SEC14L1: variants seen among roughly 807,000 people sequenced by gnomAD.
SEC14L1 encodes SEC14-like protein 1.
In SEC14L1, 48 loss-of-function variants were observed where a neutral mutation model predicts 85.3. The observed-to-expected ratio is 0.56, with a 90% CI of 0.45 to 0.72. SEC14L1 has a LOEUF of 0.72. Ranked by LOEUF, SEC14L1 falls within the 30% of genes least tolerant of loss-of-function variation. The pLI, the probability that SEC14L1 is intolerant of heterozygous loss-of-function variation, is 0.00. For synonymous variants in SEC14L1, 391 were observed against 355.5 expected (o/e 1.10, Z -1.12); for missense variants, 682 against 921.4 (o/e 0.74, Z 3.36).
chr17:77,211,771 A>C (rs78493457), intron 14 of SEC14L1, 179 bp from the exon 15 acceptor site: 144,882 of 748,650 alleles, frequency 0.19, 15,090 homozygotes, highest in Middle Eastern at 0.25. Flanking sequence ...AGCAGGATCC[A>C]GCGGTTGAAT....
At chr17:77,097,936 G>A (rs1971685200) in intron 3 of SEC14L1, among the ~76,000 whole-genome samples, 1 of 152,086 alleles carries the variant, frequency 6.6e-6, no homozygotes, top group South Asian at 2.1e-4. Flanking sequence ...TTAGATGGGT[G>A]GCCTTTAACC....
chr17:77,111,923 G>A (rs1018895119), intron 3 of SEC14L1, among the ~76,000 whole-genome samples: 1 of 152,146 alleles, frequency 6.6e-6, no homozygotes, highest in African/African-American at 2.4e-5. Flanking sequence ...ATGAGATTTG[G>A]GAGGGGCCAG....
intron 3 of SEC14L1, among the ~76,000 whole-genome samples, chr17:77,096,420 T>TA (rs1971645831): frequency 6.6e-6 from 1 of 150,540 alleles, no homozygotes; most frequent in African/African-American, 2.4e-5. Flanking sequence ...AGCCAGGCGT[T>TA]ATGTTGCGTA....
At chr17:77,175,238 C>T (rs1356310726) in intron 3 of SEC14L1, among the ~76,000 whole-genome samples, 3 of 152,112 alleles carry the variant, frequency 2.0e-5, no homozygotes, top group African/African-American at 4.8e-5. Context: ...TTCAGGAGGA[C>T]GAGAGAGAGA....
At chr17:77,204,109 T>C (rs1976330404) in intron 10 of SEC14L1, among the ~76,000 whole-genome samples, 1 of 152,186 alleles carries the variant, frequency 6.6e-6, no homozygotes, top group Admixed American at 6.5e-5. Context: ...TTGGCAGCTG[T>C]GCTTCCCCCT....
At chr17:77,192,410 C>G (rs916948204) in intron 5 of SEC14L1, among the ~76,000 whole-genome samples, 5 of 152,130 alleles carry the variant, frequency 3.3e-5, no homozygotes, top group African/African-American at 4.8e-5. Context: ...TTCCACAGTT[C>G]GCCCAGAGGA....
intron 3 of SEC14L1, among the ~76,000 whole-genome samples, chr17:77,161,528 A>G (rs937964339): frequency 1.3e-5 from 2 of 152,108 alleles, no homozygotes; most frequent in Admixed American, 6.5e-5. Context: ...AATAAAAATA[A>G]CTGGTCAATA....
At chr17:77,104,428 T>A (rs1971857255) in intron 3 of SEC14L1, among the ~76,000 whole-genome samples, 1 of 68,262 alleles carries the variant, frequency 1.5e-5, no homozygotes, top group Admixed American at 1.8e-4. Context: ...GCCTTGTGTT[T>A]ACTTTTTTTT....
chr17:77,117,409 C>T (rs756039303), intron 3 of SEC14L1, among the ~76,000 whole-genome samples: 4 of 152,118 alleles, frequency 2.6e-5, no homozygotes, highest in Non-Finnish European at 4.4e-5. Context: ...ACAGAGGCAC[C>T]GTTGGGGTGC....
intron 3 of SEC14L1, among the ~76,000 whole-genome samples, chr17:77,101,568 A>G (rs1459527047): frequency 6.6e-6 from 1 of 152,222 alleles, no homozygotes; most frequent in Non-Finnish European, 1.5e-5. Flanking sequence ...GTCTAAGAAT[A>G]TAAGTGAATT....
chr17:77,173,984 T>C (rs991941027), intron 3 of SEC14L1, among the ~76,000 whole-genome samples: 1 of 152,064 alleles, frequency 6.6e-6, no homozygotes, highest in African/African-American at 2.4e-5. Context: ...CACTGCAGCC[T>C]CTGCCTCCTG....
At position 77,213,493 on chromosome 17, in the gene SEC14L1, G is replaced by A. The variant is rs1976876221; in HGVS notation, c.2042+1G>A. On this transcript the variant is annotated splice_donor_variant, in intron 16 of 16. Transcript: ENST00000436233. LOFTEE classifies it high-confidence loss of function. The surrounding 1 kb of genome is among the most constrained non-coding windows in gnomAD (Gnocchi z 7.1). ...AGGTGATCGGCTCGGAGGATTTCAGGTGCGGCCACCCTCGCCACAGCAGGT... is the reference window on the plus strand; with the variant it reads ...AGGTGATCGGCTCGGAGGATTTCAGATGCGGCCACCCTCGCCACAGCAGGT... 3.1e-6 allele frequency: 5 copies of A among 1,606,678 alleles called. No homozygotes were observed. Among genetic ancestry groups the A allele is most frequent in the Non-Finnish European group, 4.2e-6 (5 of 1,179,962 alleles).
chr17:77,209,547 C>T, intron 14 of SEC14L1, 71 bp downstream of exon 14: 3 of 1,536,482 alleles, frequency 2.0e-6, no homozygotes, highest in South Asian at 2.4e-5. Flanking sequence ...GCAGGGCTTC[C>T]TGGCAGCCTT....
chr17:77,200,409 T>C, intron 8 of SEC14L1, 75 bp from the exon 9 acceptor site: 1 of 1,180,846 alleles, frequency 8.5e-7, no homozygotes, highest in Non-Finnish European at 1.2e-6. Context: ...GCTCAAGCGA[T>C]CCGTCCACCG....
intron 3 of SEC14L1, among the ~76,000 whole-genome samples, chr17:77,186,324 GT>G (rs1975264851): frequency 6.6e-6 from 1 of 152,210 alleles, no homozygotes; most frequent in Non-Finnish European, 1.5e-5. Flanking sequence ...GCACTCCTGA[GT>G]TCTTTCCTGG....
chr17:77,092,720 G>A (rs1035136265), intron 2 of SEC14L1, among the ~76,000 whole-genome samples: 3 of 151,806 alleles, frequency 2.0e-5, no homozygotes, highest in Non-Finnish European at 4.4e-5. Flanking sequence ...AGGCTGAGGC[G>A]GGCGGATCAC....
Position 77,206,185 on chromosome 17 carries a change from G to A in SEC14L1, c.1170-44G>A. On this transcript the variant is annotated intron_variant, in intron 11 of 16. Transcript: ENST00000436233. The surrounding 1 kb of genome is among the most constrained non-coding windows in gnomAD (Gnocchi z 4.3). ...AAGAAAATAAGACACAGTTTGCTAA[G>A]TGTGCTGTCTGTTGAATGAAACACA... 1.3e-6 allele frequency: 2 copies of A among 1,584,186 alleles called. No homozygotes were observed. Among genetic ancestry groups the A allele is most frequent in the Non-Finnish European group, 1.7e-6 (2 of 1,157,480 alleles).
Position 77,216,934 on chromosome 17 carries a change from C to T in SEC14L1, c.*2911C>T, listed in dbSNP as rs551526864. On this transcript the variant is annotated 3_prime_UTR_variant, in exon 17 of 17. Transcript: ENST00000436233. ...TCTTAGTACTAATGATTCTTTGATT[C>T]TCCCTCTATTATGTCTTAATTCACT... 5.8e-5 allele frequency: 12 copies of T among 206,704 alleles called. No individual in the cohort carries two copies. The highest frequency in any genetic ancestry group is 3.1e-4 in the South Asian group (3 of 9,730). The allele number at this position is 206,704 out of a possible 1,614,324, so 12.8% of individuals were successfully genotyped here. A position where few individuals can be genotyped will look rare whatever the true frequency, so the allele number is the denominator to read the frequency against.
chr17:77,117,899 A>G (rs559469344), intron 3 of SEC14L1, among the ~76,000 whole-genome samples: 44 of 152,334 alleles, frequency 2.9e-4, no homozygotes, highest in South Asian at 1.2e-3. Flanking sequence ...CCTAAAAACA[A>G]GACTGCCCTG....
Sources: gnomAD v4.1 joint callset for allele counts (sites outside exome capture counted in the v4.1 genomes callset) on GRCh38, gnomAD v4.1.1 for gene constraint, Gnocchi (gnomAD v3.1) non-coding constraint, MANE v1.5 for transcripts, NCBI Gene and HGNC (gene_info 2026-07-23, HGNC 2026-07-21) for gene names.